MAPK8: variants seen among roughly 807,000 people sequenced by gnomAD.
MAPK8 encodes the protein mitogen-activated protein kinase 8.
A neutral mutation model predicts 52.9 loss-of-function variants in MAPK8; 13 were observed. The ratio of observed to expected loss-of-function variants is 0.25; its 90% CI spans 0.16 to 0.39. The LOEUF (loss-of-function observed/expected upper bound fraction) is 0.39. MAPK8 is among the 10% of genes least tolerant of loss of function. MAPK8 has a pLI of 1.00. For missense variants in MAPK8, 300 were observed against 519.2 expected (o/e 0.58, Z 4.10); for synonymous variants, 191 against 169.8 (o/e 1.12, Z -0.97).
At chr10:48,420,676 A>C (rs1338106617) in intron 6 of MAPK8, among the ~76,000 whole-genome samples, 1 of 152,182 alleles carries the variant, frequency 6.6e-6, no homozygotes, top group Middle Eastern at 3.2e-3. Flanking sequence ...TTATTAGTGT[A>C]CATCAGTGAT....
chr10:48,406,031 G>A (rs750957918), intron 3 of MAPK8, among the ~76,000 whole-genome samples: 2 of 152,136 alleles, frequency 1.3e-5, no homozygotes, highest in Non-Finnish European at 2.9e-5. Flanking sequence ...GATGATGGTG[G>A]CCCATATATT....
At chr10:48,316,247 A>G (rs1842488756) in intron 1 of MAPK8, among the ~76,000 whole-genome samples, 1 of 152,226 alleles carries the variant, frequency 6.6e-6, no homozygotes, top group African/African-American at 2.4e-5. Flanking sequence ...ATGTTTAGAT[A>G]CACAAATACT....
intron 3 of MAPK8, among the ~76,000 whole-genome samples, chr10:48,408,910 G>A (rs932764741): frequency 6.6e-6 from 1 of 152,150 alleles, no homozygotes; most frequent in Non-Finnish European, 1.5e-5. Context: ...TTTCTTCAGT[G>A]TGTGCTCAAG....
At chr10:48,392,563 C>T (rs553059646) in intron 1 of MAPK8, among the ~76,000 whole-genome samples, 4 of 151,922 alleles carry the variant, frequency 2.6e-5, no homozygotes, top group Admixed American at 6.6e-5. Flanking sequence ...TATCTCCATC[C>T]GTATGGCCAC....
chr10:48,348,692 G>A (rs909888601), intron 1 of MAPK8, among the ~76,000 whole-genome samples: 11 of 152,092 alleles, frequency 7.2e-5, no homozygotes, highest in East Asian at 1.9e-4. Context: ...AGATCAGATC[G>A]TTGTAGATGT....
intron 1 of MAPK8, among the ~76,000 whole-genome samples, chr10:48,330,229 AAG>A (rs1844000322): frequency 1.3e-5 from 2 of 152,254 alleles, no homozygotes; most frequent in Admixed American, 6.5e-5. Flanking sequence ...TTTATAAAAT[AAG>A]AGATTTGCAG....
intron 1 of MAPK8, among the ~76,000 whole-genome samples, chr10:48,330,774 C>G (rs1033453662): frequency 6.6e-6 from 1 of 152,168 alleles, no homozygotes; most frequent in Non-Finnish European, 1.5e-5. Context: ...CATTATCCCC[C>G]TTAAAAGGTT....
intron 3 of MAPK8, among the ~76,000 whole-genome samples, chr10:48,405,595 AAC>A (rs941777281): frequency 1.3e-5 from 2 of 152,250 alleles, no homozygotes; most frequent in African/African-American, 4.8e-5. Flanking sequence ...TTTGAGAATA[AAC>A]AGTTATACTT....
chr10:48,325,881 T>C (rs1036880362), intron 1 of MAPK8: 3 of 152,202 alleles, frequency 2.0e-5, no homozygotes, highest in African/African-American at 7.2e-5. Context: ...GAATTTGATG[T>C]TTTTCTCATT....
intron 11 of MAPK8, among the ~76,000 whole-genome samples, chr10:48,431,665 C>CT (rs2044280020): frequency 1.3e-5 from 2 of 152,156 alleles, no homozygotes; most frequent in South Asian, 2.1e-4. Flanking sequence ...CTGTCTTTCT[C>CT]TTTTTGATAT....
At position 48,365,727 on chromosome 10, in the gene MAPK8, TTTA is replaced by T. The variant is rs543181064; in HGVS notation, c.-49-35875_-49-35873del. 7.9e-5 allele frequency among the ~76,000 whole-genome samples: 12 copies of T among 152,140 alleles called. 1 individual carries two copies. Among genetic ancestry groups the T allele is most frequent in the Non-Finnish European group, 1.8e-4 (12 of 67,986 alleles). On this transcript the variant is annotated intron_variant, in intron 1 of 11. Coordinates refer to ENST00000374189, the MANE Select transcript of MAPK8 (RefSeq NM_001323329.2). ...TTAAAGCATATTGAATCCTAGCCAT[TTTA>T]TTATTATTAGCTGTGTACCTAAATG...
At chr10:48,333,871 G>A (rs973724304) in intron 1 of MAPK8, among the ~76,000 whole-genome samples, 1 of 152,226 alleles carries the variant, frequency 6.6e-6, no homozygotes, top group East Asian at 1.9e-4. Flanking sequence ...TCTTCTGGTC[G>A]CCAATTTGCT....
chr10:48,421,075 T>A (rs1457759142), intron 6 of MAPK8, among the ~76,000 whole-genome samples: 1 of 152,200 alleles, frequency 6.6e-6, no homozygotes, highest in Non-Finnish European at 1.5e-5. Context: ...ACCATCGTTT[T>A]AAAAAATGTG....
At chr10:48,331,162 GCT>G (rs1844102542) in intron 1 of MAPK8, among the ~76,000 whole-genome samples, 1 of 152,130 alleles carries the variant, frequency 6.6e-6, no homozygotes, top group Admixed American at 6.5e-5. Context: ...GCAGGATGAT[GCT>G]CTACTGTAAC....
intron 5 of MAPK8, among the ~76,000 whole-genome samples, chr10:48,413,815 T>TTATATATATG (rs1554832946): frequency 2.1e-5 from 1 of 48,378 alleles, no homozygotes; most frequent in East Asian, 1.2e-3. Context: ...GCCAGAATTG[T>TTATATATATG]TATATATATA....
intron 10 of MAPK8, among the ~76,000 whole-genome samples, chr10:48,429,600 G>T (rs971687000): frequency 5.3e-5 from 8 of 152,164 alleles, no homozygotes; most frequent in Non-Finnish European, 1.5e-5. Flanking sequence ...TCCCAGAGGA[G>T]TGCTATTTTC....
At chr10:48,365,114 A>T (rs1847910338) in intron 1 of MAPK8, among the ~76,000 whole-genome samples, 1 of 152,156 alleles carries the variant, frequency 6.6e-6, no homozygotes. Context: ...TTGTAACAAC[A>T]ATTTGTCTTT....
chr10:48,326,372 A>C (rs562909889), intron 1 of MAPK8, among the ~76,000 whole-genome samples: 1 of 152,166 alleles, frequency 6.6e-6, no homozygotes, highest in Non-Finnish European at 1.5e-5. Flanking sequence ...TGCCTGTGAC[A>C]TACTTCCATC....
intron 1 of MAPK8, among the ~76,000 whole-genome samples, chr10:48,350,367 CA>C (rs1333472098): frequency 6.6e-6 from 1 of 152,202 alleles, no homozygotes; most frequent in Non-Finnish European, 1.5e-5. Flanking sequence ...CGAAAATCCT[CA>C]GTAAAATCCT....
Sources: gnomAD v4.1 joint callset for allele counts (sites outside exome capture counted in the v4.1 genomes callset) on GRCh38, gnomAD v4.1.1 for gene constraint, MANE v1.5 for transcripts, NCBI Gene and HGNC (gene_info 2026-07-23, HGNC 2026-07-21) for gene names.